SYCE1: variants seen among roughly 807,000 people sequenced by gnomAD.
The protein encoded by SYCE1 is synaptonemal complex central element protein 1.
SYCE1 carries 37 observed loss-of-function variants against 55.1 expected under a neutral mutation model. The ratio of observed to expected loss-of-function variants is 0.67; its 90% CI spans 0.52 to 0.88. The LOEUF (loss-of-function observed/expected upper bound fraction) is 0.88. Among genes scored for constraint, SYCE1 ranks in the 40% least tolerant of loss-of-function variants. The probability of loss-of-function intolerance (pLI) is 0.00; values close to 1 mark genes in which losing one functional copy is unlikely to be tolerated. For synonymous variants in SYCE1, 163 were observed against 159.4 expected (o/e 1.02, Z -0.17); for missense variants, 399 against 416.4 (o/e 0.96, Z 0.36).
downstream of SYCE1, chr10:133,554,626 C>T (rs771592540): frequency 1.2e-5 from 9 of 720,998 alleles, no homozygotes; most frequent in Admixed American, 1.6e-4. Context: ...CCCCAGCTCA[C>T]TGATCCTCAT....
Position 133,555,648 on chromosome 10 carries a change from C to T in SYCE1, c.779G>A (p.Arg260His), listed in dbSNP as rs149540107. The T allele has an allele frequency of 1.3e-4, 206 of 1,605,140 alleles. No individual in the cohort carries two copies. The African/African-American group carries it at 1.9e-3, about 15-fold the overall frequency. ...GCACTTCTGCTGCAGCTGCTGGTGGCGCTGGGCAGCAGCTGCTAGGAGCTC... is the reference window on the plus strand; with the variant it reads ...GCACTTCTGCTGCAGCTGCTGGTGGTGCTGGGCAGCAGCTGCTAGGAGCTC... ...AEELLAAAAQ[R>H]HQQLQQKCQQ... The change falls in exon 11 of 13, where the codon CGC becomes CAC. Residue 260 changes from arginine to histidine, a missense_variant. Coordinates refer to ENST00000343131, the MANE Select transcript of SYCE1 (RefSeq NM_001143764.3).
rs749255236 is a variant in SYCE1 at position 133,557,163 on chromosome 10, G to T, written c.375-7C>A. On this transcript the variant is annotated splice_region_variant and splice_polypyrimidine_tract_variant and intron_variant, in intron 6 of 12. Coordinates refer to ENST00000343131, the MANE Select transcript of SYCE1 (RefSeq NM_001143764.3). ...CTGCAACATGGTGTGCTTCCTGGGA[G>T]AGGCGAGGCAGCCCTCAGCCATGTT... is the stretch of plus-strand genomic sequence containing the variant. 1 of 1,613,248 alleles carries T rather than the reference G, an allele frequency of 6.2e-7. No homozygotes were observed. The highest frequency in any genetic ancestry group is 1.7e-5 in the Admixed American group (1 of 60,022).
At chr10:133,564,916 C>T (rs1012847960) in intron 1 of SYCE1, among the ~76,000 whole-genome samples, 3 of 152,204 alleles carry the variant, frequency 2.0e-5, no homozygotes, top group African/African-American at 7.2e-5. Context: ...CTGCCTGTCC[C>T]CTCCCTTCCC....
Position 133,555,439 on chromosome 10 carries a change from C to A in SYCE1, c.831-1G>T, listed in dbSNP as rs1851637490. 2 of 1,613,910 alleles carry A rather than the reference C, an allele frequency of 1.2e-6. No homozygotes were observed. The highest frequency in any genetic ancestry group is 1.7e-6 in the Non-Finnish European group (2 of 1,179,948). On this transcript the variant is annotated splice_acceptor_variant, in intron 11 of 12. Transcript: ENST00000343131. LOFTEE classifies it high-confidence loss of function. ...ATGCTTTTCCAGCTCTTCCTTCAGC[C>A]TGGACAGGAAGAGGTAGGATGGGGG...
chr10:133,558,055 C>T (rs1851731227), intron 5 of SYCE1, 112 bp downstream of exon 5: 3 of 1,536,340 alleles, frequency 2.0e-6, no homozygotes, highest in East Asian at 2.3e-5. Flanking sequence ...GTGGAAGCCA[C>T]AGGAGAGAGG....
chr10:133,556,598 C>A, intron 8 of SYCE1, 161 bp downstream of exon 8: 1 of 726,872 alleles, frequency 1.4e-6, no homozygotes. Context: ...AGCAGGGTCA[C>A]AAGGAGGTGA....
intron 4 of SYCE1, chr10:133,558,438 G>A (rs74162041): frequency 0.11 from 66,007 of 588,692 alleles, 4,564 homozygotes; most frequent in East Asian, 0.27. Context: ...GAGGATGCTC[G>A]TGCTTTTACA....
At chr10:133,554,654 A>G (rs754534677), downstream of SYCE1, 37 of 730,144 alleles carry the variant, frequency 5.1e-5, no homozygotes, top group Non-Finnish European at 8.5e-5. Flanking sequence ...TTTTTTTTTA[A>G]TTTCAGGGAG....
intron 1 of SYCE1, among the ~76,000 whole-genome samples, chr10:133,562,260 AATGTGTGTGTGTGT>A (rs758419115): frequency 4.6e-4 from 56 of 121,984 alleles, no homozygotes; most frequent in South Asian, 3.8e-3. Flanking sequence ...GCTAACATCC[AATGTGTGTGTGTGT>A]GTGTGTGTGT....
At position 133,555,633 on chromosome 10, in the gene SYCE1, T is replaced by C. The variant is rs1554905076; in HGVS notation, c.794A>G (p.Gln265Arg). Residue 265 changes from glutamine (Q) to arginine (R), a missense_variant, in exon 11 of 13, where the codon CAG becomes CGG. Coordinates refer to ENST00000343131, the MANE Select transcript of SYCE1 (RefSeq NM_001143764.3). ...CTGCTGCTGTTGTTGGCACTTCTGC[T>C]GCAGCTGCTGGTGGCGCTGGGCAGC... ...AAAAQRHQQL[Q>R]QKCQQQQQKR... 1.2e-6 allele frequency: 2 copies of C among 1,606,008 alleles called. No individual in the cohort carries two copies. Among genetic ancestry groups the C allele is most frequent in the Middle Eastern group, 1.7e-4 (1 of 6,058 alleles).
chr10:133,562,819 A>G (rs943081527), intron 1 of SYCE1, among the ~76,000 whole-genome samples: 9 of 152,272 alleles, frequency 5.9e-5, no homozygotes, highest in Admixed American at 3.3e-4. Context: ...CTCTTCCCAG[A>G]GCTCAGAGAT....
At chr10:133,554,829 T>C, downstream of SYCE1, 1 of 1,451,540 alleles carries the variant, frequency 6.9e-7, no homozygotes, top group Non-Finnish European at 9.0e-7. Flanking sequence ...GTACCAGAGA[T>C]GAGCAATCCA....
intron 1 of SYCE1, among the ~76,000 whole-genome samples, chr10:133,565,167 A>T (rs1851897564): frequency 6.6e-6 from 1 of 152,182 alleles, no homozygotes; most frequent in Non-Finnish European, 1.5e-5. Context: ...TTTTGTTTTA[A>T]GAGGTGTGTA....
At chr10:133,568,069 T>A (rs562162116), upstream of SYCE1, 6 of 659,912 alleles carry the variant, frequency 9.1e-6, no homozygotes, top group South Asian at 9.4e-5. Flanking sequence ...GGGGGCCAGA[T>A]GTGGTCACCG....
At chr10:133,559,907 C>A in intron 2 of SYCE1, 184 bp downstream of exon 2, 1 of 615,278 alleles carries the variant, frequency 1.6e-6, no homozygotes, top group Non-Finnish European at 2.8e-6. Flanking sequence ...GCCTTCTATA[C>A]CCTTTTGCTT....
At chr10:133,556,875 C>T (rs1188279548) in intron 7 of SYCE1, 53 bp from the exon 8 acceptor site, 2 of 1,601,114 alleles carry the variant, frequency 1.2e-6, no homozygotes, top group South Asian at 1.1e-5. Flanking sequence ...ACCACCTTCA[C>T]AGCCTGTCCA....
rs1851701760 is a variant in SYCE1, at chr10:133,557,067, C to T, written c.464G>A (p.Arg155Lys). The T allele has an allele frequency of 1.9e-6, 3 of 1,613,994 alleles. No homozygotes were observed. Among genetic ancestry groups the T allele is most frequent in the Non-Finnish European group, 2.5e-6 (3 of 1,179,912 alleles). Residue 155 changes from arginine to lysine, a missense_variant and splice_region_variant, in exon 7 of 13, where the codon AGG becomes AAG. Transcript: ENST00000343131. ...CCCTGCCTCAGATGCTAAGGTTTAC[C>T]TCAGCTGTCTCTGTTTGTTCTTCTC... is the stretch of plus-strand genomic sequence containing the variant. ...EEEKNKQRQL[R>K]LAFEEQLEDL...
chr10:133,559,889 A>T (rs1388650202), intron 2 of SYCE1: 5 of 570,646 alleles, frequency 8.8e-6, no homozygotes, highest in Non-Finnish European at 1.2e-5. Context: ...GTTTTGGGAA[A>T]ACATTTTGCC....
rs150742469 is a variant in SYCE1, at chr10:133,555,804, C to T, written c.695G>A (p.Arg232His). 6.1e-5 allele frequency: 98 copies of T among 1,613,206 alleles called. No individual in the cohort carries two copies. The highest frequency in any genetic ancestry group is 7.7e-5 in the Non-Finnish European group (91 of 1,179,986). ...PSTLDEGLFL[R>H]SQEAAATVQL... ...CACTGTGGCTGCAGCCTCCTGGCTG[C>T]GGAGAAAGAGTCCCTCATCAAGGGT... Residue 232 changes from arginine to histidine, a missense_variant, in exon 10 of 13, where the codon CGC becomes CAC. Physicochemically the swap from Arg to His is conservative, Grantham distance 29. Coordinates refer to ENST00000343131, the MANE Select transcript of SYCE1 (RefSeq NM_001143764.3).
Sources: allele counts gnomAD v4.1 joint callset (sites outside exome capture counted in the v4.1 genomes callset), GRCh38; gene constraint gnomAD v4.1.1; transcripts MANE v1.5; gene names NCBI Gene and HGNC (gene_info 2026-07-23, HGNC 2026-07-21).